Variants in SLC11A2 observed in about 807,000 individuals in gnomAD.
SLC11A2 encodes solute carrier family 11 member 2, also known as natural resistance-associated macrophage protein 2.
Under a neutral mutation model 68.0 loss-of-function variants are expected in SLC11A2, and 38 were observed. The observed-to-expected ratio is 0.56, with a 90% CI of 0.43 to 0.73. SLC11A2 has a LOEUF of 0.73. Among genes scored for constraint, SLC11A2 ranks in the 30% least tolerant of loss-of-function variants. The pLI, the probability that SLC11A2 is intolerant of heterozygous loss-of-function variation, is 0.00. For missense variants in SLC11A2, 517 were observed against 690.5 expected, an observed-to-expected ratio of 0.75 and a Z score of 2.82; for synonymous variants, 242 against 250.6, an observed-to-expected ratio of 0.97 and a Z score of 0.32.
At chr12:50,972,106 G>C in the SLC11A2 span, among the ~76,000 whole-genome samples, 1 of 152,168 alleles carries the variant, frequency 6.6e-6, no homozygotes, top group African/African-American at 2.4e-5. Context: ...ATTAAGGTCA[G>C]GAAAACTGAG....
intron 1 of SLC11A2, among the ~76,000 whole-genome samples, chr12:51,018,465 ACAACTT>A (rs1943816616): frequency 6.6e-6 from 1 of 151,692 alleles, no homozygotes. Context: ...ATTAATATAT[ACAACTT>A]CAACTTTTTT....
At chr12:50,992,402 G>T in intron 12 of SLC11A2, 63 bp from the exon 13 acceptor site, 1 of 1,501,920 alleles carries the variant, frequency 6.7e-7, no homozygotes, top group Non-Finnish European at 9.2e-7. Flanking sequence ...GTTTTGGGGA[G>T]GTTCAGGAGA....
At chr12:50,961,781 A>G in the SLC11A2 span, among the ~76,000 whole-genome samples, 326 of 152,316 alleles carry the variant, frequency 2.1e-3, no homozygotes, top group Middle Eastern at 6.8e-3. Context: ...AGTCCCCTTC[A>G]TGACGTGCAG....
intron 1 of SLC11A2, 58 bp downstream of exon 1, chr12:51,026,252 G>C: frequency 8.3e-7 from 1 of 1,204,672 alleles, no homozygotes; most frequent in Non-Finnish European, 1.1e-6. Flanking sequence ...GAGCCGCCCC[G>C]CGCCCCTCCC....
chr12:50,976,388 A>C (rs1221690847), downstream of SLC11A2, among the ~76,000 whole-genome samples: 7 of 152,240 alleles, frequency 4.6e-5, no homozygotes, highest in East Asian at 1.3e-3. Flanking sequence ...CCAATGACAA[A>C]AACTAAATGA....
chr12:51,007,148 T>C (rs1343005112), intron 3 of SLC11A2, among the ~76,000 whole-genome samples: 1 of 152,170 alleles, frequency 6.6e-6, no homozygotes, highest in Non-Finnish European at 1.5e-5. Context: ...GGAACCAATG[T>C]ACATCTTAAA....
chr12:50,967,439 A>G, the SLC11A2 span, among the ~76,000 whole-genome samples: 22,724 of 152,000 alleles, frequency 0.15, 1,898 homozygotes, highest in South Asian at 0.26. Flanking sequence ...GAGCTACCAG[A>G]CCTGGCCTTT....
chr12:51,004,993 G>C, intron 4 of SLC11A2, 86 bp from the exon 5 acceptor site: 1 of 1,462,144 alleles, frequency 6.8e-7, no homozygotes, highest in Non-Finnish European at 9.5e-7. Flanking sequence ...CAACATGAGT[G>C]GTAAATACTG....
intron 6 of SLC11A2, 40 bp from the exon 7 acceptor site, chr12:50,999,455 A>T (rs764623341): frequency 6.7e-7 from 1 of 1,503,542 alleles, no homozygotes; most frequent in Non-Finnish European, 9.3e-7. Flanking sequence ...AGAGACGGAA[A>T]GAAAGGAAAC....
At chr12:50,982,052 C>CT (rs1202324754), downstream of SLC11A2, among the ~76,000 whole-genome samples, 1 of 152,178 alleles carries the variant, frequency 6.6e-6, no homozygotes, top group East Asian at 1.9e-4. Context: ...AATTAGCACT[C>CT]TGACTATTCT....
chr12:50,981,201 T>C (rs999472772), downstream of SLC11A2: 28 of 152,280 alleles, frequency 1.8e-4, no homozygotes, highest in Non-Finnish European at 8.8e-5. Flanking sequence ...TTGACTAAAA[T>C]CAAACTGAAA....
rs572556713 is a variant in SLC11A2 at position 51,015,878 on chromosome 12, T to C, written c.-38-5112A>G. On this transcript the variant is annotated intron_variant, in intron 1 of 15. Transcript: ENST00000262052. ...CACTCATGGTTAAATGTAATATGAC[T>C]ATTTTATCCCATTCTCCTGCCTCAG... Among the ~76,000 whole-genome samples the C allele has an allele frequency of 2.0e-5, 3 of 152,324 alleles. No homozygotes were observed. In the East Asian group the frequency reaches 5.8e-4, roughly 29 times the overall value.
downstream of SLC11A2, among the ~76,000 whole-genome samples, chr12:50,976,529 C>T (rs1399817940): frequency 6.6e-6 from 1 of 152,170 alleles, no homozygotes; most frequent in African/African-American, 2.4e-5. Context: ...AACCCACAGC[C>T]AATATCATAC....
chr12:51,027,703 C>G (rs888433999), upstream of SLC11A2, among the ~76,000 whole-genome samples: 5 of 152,106 alleles, frequency 3.3e-5, no homozygotes, highest in Non-Finnish European at 5.9e-5. Flanking sequence ...TTACAGCCAC[C>G]AAAAACATTA....
the SLC11A2 span, among the ~76,000 whole-genome samples, chr12:50,952,781 G>GC: frequency 6.6e-6 from 1 of 152,218 alleles, no homozygotes; most frequent in Non-Finnish European, 1.5e-5. Context: ...ACCTCCTCTG[G>GC]CTAGGGCGTG....
chr12:51,008,246 ATAG>A (rs1566020253), intron 3 of SLC11A2: 6 of 435,536 alleles, frequency 1.4e-5, no homozygotes, highest in African/African-American at 1.2e-4. Context: ...AGATAGATAG[ATAG>A]ATAGATAGAT....
chr12:50,959,804 C>T, the SLC11A2 span, among the ~76,000 whole-genome samples: 2 of 152,134 alleles, frequency 1.3e-5, no homozygotes, highest in Admixed American at 6.6e-5. Flanking sequence ...TGTACCACCA[C>T]GCCCGGCTAA....
chr12:50,972,105 A>G, the SLC11A2 span, among the ~76,000 whole-genome samples: 1 of 152,252 alleles, frequency 6.6e-6, no homozygotes, highest in Non-Finnish European at 1.5e-5. Flanking sequence ...CATTAAGGTC[A>G]GGAAAACTGA....
intron 3 of SLC11A2, 155 bp downstream of exon 3, chr12:51,008,321 G>GTA (rs753275784): frequency 4.0e-4 from 246 of 617,320 alleles, no homozygotes; most frequent in Non-Finnish European, 6.5e-4. Context: ...GTGTGTGTGT[G>GTA]TGTGTATATA....
Sources: allele counts gnomAD v4.1 joint callset (sites outside exome capture counted in the v4.1 genomes callset), GRCh38; gene constraint gnomAD v4.1.1; transcripts MANE v1.5; gene names NCBI Gene and HGNC (gene_info 2026-07-23, HGNC 2026-07-21).